CHD1L: variants seen among roughly 807,000 people sequenced by gnomAD.
The protein encoded by CHD1L is ATP-dependent chromatin remodeler CHD1L.
CHD1L carries 118 observed loss-of-function variants against 115.9 expected under a neutral mutation model. The ratio of observed to expected loss-of-function variants is 1.02; its 90% CI spans 0.88 to 1.19. CHD1L has a LOEUF of 1.19. CHD1L is among the 50% of genes most tolerant of loss of function. CHD1L has a pLI of 0.00. For synonymous variants in CHD1L, 411 were observed against 387.1 expected, an observed-to-expected ratio of 1.06 and a Z score of -0.72; for missense variants, 1,179 against 1,065.3, an observed-to-expected ratio of 1.11 and a Z score of -1.49.
chr1:147,293,193 C>T (rs1395408046), intron 20 of CHD1L, among the ~76,000 whole-genome samples: 7 of 151,952 alleles, frequency 4.6e-5, no homozygotes, highest in East Asian at 1.9e-4. Context: ...GGGAATTGTT[C>T]GAACAGAGAT....
chr1:147,201,737 G>A, the CHD1L span, among the ~76,000 whole-genome samples: 2 of 152,152 alleles, frequency 1.3e-5, no homozygotes, highest in African/African-American at 4.8e-5. Context: ...TGAAGGAAGA[G>A]TGTTGTTTGA....
chr1:147,266,688 G>A (rs989297774), intron 8 of CHD1L, among the ~76,000 whole-genome samples: 1 of 152,178 alleles, frequency 6.6e-6, no homozygotes, highest in South Asian at 2.1e-4. Flanking sequence ...CAAAGCACAA[G>A]AGTAGTGATG....
chr1:147,259,666 A>G (rs1671258625), intron 5 of CHD1L, 171 bp from the exon 6 acceptor site: 3 of 559,860 alleles, frequency 5.4e-6, no homozygotes, highest in South Asian at 2.7e-5. Flanking sequence ...TTATCCAGAT[A>G]TTGTATTATG....
At chr1:147,207,354 AT>A in the CHD1L span, among the ~76,000 whole-genome samples, 5 of 152,298 alleles carry the variant, frequency 3.3e-5, no homozygotes, top group Admixed American at 1.3e-4. Context: ...CATTGTACTT[AT>A]TATTTTGCAA....
the CHD1L span, chr1:147,210,609 A>C: frequency 6.6e-6 from 1 of 152,202 alleles, no homozygotes; most frequent in South Asian, 2.1e-4. Flanking sequence ...TGCTGGCTAT[A>C]TAACTTCTGC....
rs369279428 is a variant in CHD1L, at chr1:147,267,432, T to A, written c.902T>A (p.Phe301Tyr). Residue 301 changes from phenylalanine (F) to tyrosine (Y), a missense_variant, in exon 9 of 23, where the codon TTT (phenylalanine) becomes TAT (tyrosine). Physicochemically the swap from Phe to Tyr is conservative, Grantham distance 22. Transcript: ENST00000369258. ...KAILMKDLDA[F>Y]ENETAKKVKL... is the part of the protein sequence containing the mutation. ...CTTTTTTTTTAAATTTCAGATGCAT[T>A]TGAAAATGAGACGGCAAAGAAAGTT... The A allele has an allele frequency of 1.2e-6, 2 of 1,612,004 alleles. No homozygotes were observed. Among genetic ancestry groups the A allele is most frequent in the African/African-American group, 2.7e-5 (2 of 74,830 alleles).
chr1:147,212,369 A>T, the CHD1L span: 4 of 1,612,916 alleles, frequency 2.5e-6, no homozygotes, highest in Middle Eastern at 3.3e-4. Context: ...TAAGCAACGT[A>T]AATAATAATT....
At chr1:147,201,252 C>T in the CHD1L span, 6 of 1,614,136 alleles carry the variant, frequency 3.7e-6, no homozygotes, top group Admixed American at 3.3e-5. Flanking sequence ...TTGGCCTTTC[C>T]AGGTTAGGAG....
At chr1:147,283,079 T>C (rs1224159333) in intron 15 of CHD1L, among the ~76,000 whole-genome samples, 3 of 152,194 alleles carry the variant, frequency 2.0e-5, no homozygotes, top group African/African-American at 7.2e-5. Context: ...GGTTGCTTTA[T>C]CTTAAATGCC....
At chr1:147,263,849 T>G (rs782651960) in intron 6 of CHD1L, among the ~76,000 whole-genome samples, 1 of 152,208 alleles carries the variant, frequency 6.6e-6, no homozygotes. Flanking sequence ...TGTTGAAAAT[T>G]TAAGGAAATT....
the CHD1L span, chr1:147,223,952 C>A: frequency 2.6e-6 from 1 of 381,836 alleles, no homozygotes; most frequent in Non-Finnish European, 5.1e-6. Flanking sequence ...CGAGACACCA[C>A]CCGTCTTTCC....
chr1:147,284,090 A>C (rs1682054516), intron 15 of CHD1L, among the ~76,000 whole-genome samples: 1 of 152,220 alleles, frequency 6.6e-6, no homozygotes, highest in Admixed American at 6.5e-5. Context: ...AATCCAGCAG[A>C]GATTCACAAA....
At chr1:147,185,128 T>G in the CHD1L span, among the ~76,000 whole-genome samples, 272 of 151,462 alleles carry the variant, frequency 1.8e-3, no homozygotes, top group African/African-American at 6.3e-3. Context: ...TTCAATTTCT[T>G]GTTCACATCT....
chr1:147,213,783 T>G, the CHD1L span, among the ~76,000 whole-genome samples: 1 of 152,176 alleles, frequency 6.6e-6, no homozygotes, highest in Non-Finnish European at 1.5e-5. Context: ...GCTTCTCCTG[T>G]GCTTTTATGA....
intron 12 of CHD1L, among the ~76,000 whole-genome samples, chr1:147,273,329 A>T (rs1459466537): frequency 1.3e-5 from 2 of 152,250 alleles, no homozygotes; most frequent in Non-Finnish European, 2.9e-5. Context: ...AGACAGATTG[A>T]CATTTTTCTA....
the CHD1L span, chr1:147,178,451 G>C: frequency 3.1e-6 from 5 of 1,611,674 alleles, no homozygotes; most frequent in Non-Finnish European, 4.2e-6. Context: ...GAAGAAGCAG[G>C]TGCTTATGAT....
Position 147,270,964 on chromosome 1 carries a change from C to A in CHD1L, c.1118C>A (p.Thr373Asn), listed in dbSNP as rs782161166. Residue 373 changes from threonine (T) to asparagine (N), a missense_variant, in exon 11 of 23, where the codon ACC becomes AAC. Transcript: ENST00000369258. Reference sequence around the variant, plus strand: ...CGGGTTTTACTTTTCTCCCAAATGACCCAGATGTTGGATATTCTCCAAGAC... The same window carrying A: ...CGGGTTTTACTTTTCTCCCAAATGAACCAGATGTTGGATATTCTCCAAGAC... ...GHRVLLFSQM[T>N]QMLDILQDYM... The A allele has an allele frequency of 1.2e-6, 2 of 1,614,014 alleles. No individual in the cohort carries two copies. Among genetic ancestry groups the A allele is most frequent in the South Asian group, 1.1e-5 (1 of 91,074 alleles).
rs782618260 is a variant in CHD1L at position 147,242,812 on chromosome 1, C to A, written c.109C>A (p.Arg37=). 7.8e-6 allele frequency: 10 copies of A among 1,277,808 alleles called. No individual in the cohort carries two copies. The highest frequency in any genetic ancestry group is 9.0e-6 in the Non-Finnish European group (9 of 1,005,226). 79.2% of individuals were successfully genotyped at this position (1,277,808 alleles called of 1,614,324 possible). ...GGCGCGGGTGCAGGAGCAGGACTTA[C>A]GGCAGTGGGGGCTGACAGGTGAGCG... is the stretch of plus-strand genomic sequence containing the variant. ...EAARVQEQDL[R]QWGLTGIHLR... The change falls in exon 1 of 23, where the codon CGG becomes AGG. Residue 37 remains arginine (R), a synonymous_variant. Transcript: ENST00000369258.
At chr1:147,174,969 C>G in the CHD1L span, 1 of 152,160 alleles carries the variant, frequency 6.6e-6, no homozygotes, top group Non-Finnish European at 1.5e-5. Context: ...CAAGCCTTTA[C>G]ACACACTGCT....
Sources: gnomAD v4.1 joint callset for allele counts (sites outside exome capture counted in the v4.1 genomes callset) on GRCh38, gnomAD v4.1.1 for gene constraint, MANE v1.5 for transcripts, NCBI Gene and HGNC (gene_info 2026-07-23, HGNC 2026-07-21) for gene names.